The following PARP8 variants were observed in gnomAD, a reference collection of about 807,000 sequenced individuals.
The protein encoded by PARP8 is poly(ADP-ribose) polymerase family member 8.
PARP8 carries 51 observed loss-of-function variants against 124.1 expected under a neutral mutation model. The ratio of observed to expected loss-of-function variants is 0.41; its 90% CI spans 0.33 to 0.52. The LOEUF is 0.52. Ranked by LOEUF, PARP8 falls within the 20% of genes least tolerant of loss-of-function variation. The probability of loss-of-function intolerance (pLI) is 0.21; values close to 1 mark genes in which losing one functional copy is unlikely to be tolerated. For synonymous variants in PARP8, 391 were observed against 361.5 expected (o/e 1.08, Z -0.93); for missense variants, 860 against 1,018.9 (o/e 0.84, Z 2.12).
At chr5:50,720,992 T>C (rs1243351513) in intron 2 of PARP8, among the ~76,000 whole-genome samples, 1 of 151,866 alleles carries the variant, frequency 6.6e-6, no homozygotes, top group Non-Finnish European at 1.5e-5. Context: ...GGGCCATACA[T>C]GACAGGCCTG....
chr5:50,674,969 A>G (rs535063251), intron 2 of PARP8, among the ~76,000 whole-genome samples: 2 of 152,382 alleles, frequency 1.3e-5, no homozygotes, highest in South Asian at 4.1e-4. Context: ...AAATAGATTT[A>G]TGTCCATCCA....
chr5:50,796,478 G>A (rs1315817003), intron 12 of PARP8, among the ~76,000 whole-genome samples: 1 of 152,158 alleles, frequency 6.6e-6, no homozygotes, highest in African/African-American at 2.4e-5. Flanking sequence ...TGTTTCCCAT[G>A]TTAGCTTCAT....
chr5:50,806,295 T>C (rs1743834897), intron 14 of PARP8, among the ~76,000 whole-genome samples: 1 of 152,052 alleles, frequency 6.6e-6, no homozygotes, highest in Non-Finnish European at 1.5e-5. Context: ...TACTCTTGAC[T>C]TGTGGACTTG....
At chr5:50,835,309 G>T (rs113813756) in intron 25 of PARP8, among the ~76,000 whole-genome samples, 1 of 152,118 alleles carries the variant, frequency 6.6e-6, no homozygotes, top group Non-Finnish European at 1.5e-5. Flanking sequence ...TTGGGAAGCC[G>T]AGGCGGGTGG....
intron 7 of PARP8, among the ~76,000 whole-genome samples, chr5:50,776,917 T>G (rs1740095269): frequency 6.6e-6 from 1 of 152,194 alleles, no homozygotes; most frequent in Non-Finnish European, 1.5e-5. Context: ...AATTCCTGAC[T>G]TCCCCACTAA....
At chr5:50,670,599 G>T (rs1479277367) in intron 2 of PARP8, among the ~76,000 whole-genome samples, 6 of 152,244 alleles carry the variant, frequency 3.9e-5, no homozygotes, top group Admixed American at 3.9e-4. Flanking sequence ...GGTCCTCAGA[G>T]TGGCAGTTAA....
At chr5:50,785,305 A>G (rs1741124039) in intron 9 of PARP8, among the ~76,000 whole-genome samples, 1 of 152,092 alleles carries the variant, frequency 6.6e-6, no homozygotes. Flanking sequence ...TTATAGGAAT[A>G]ATTTCTATGT....
chr5:50,676,704 A>G (rs1018481623), intron 2 of PARP8, among the ~76,000 whole-genome samples: 2 of 152,200 alleles, frequency 1.3e-5, no homozygotes, highest in African/African-American at 4.8e-5. Flanking sequence ...TAAATATTTC[A>G]TTTCTTTGAT....
At chr5:50,798,105 T>G (rs1011385229) in intron 14 of PARP8, among the ~76,000 whole-genome samples, 5 of 152,218 alleles carry the variant, frequency 3.3e-5, no homozygotes, top group African/African-American at 1.2e-4. Context: ...TATTATAATG[T>G]TTTCAAGGAC....
intron 2 of PARP8, among the ~76,000 whole-genome samples, chr5:50,719,227 G>T (rs1755631913): frequency 6.6e-6 from 1 of 151,798 alleles, no homozygotes; most frequent in African/African-American, 2.4e-5. Context: ...TTGTCAGATG[G>T]GTAGTTTGCA....
intron 7 of PARP8, among the ~76,000 whole-genome samples, chr5:50,768,763 T>G (rs947454805): frequency 4.6e-5 from 7 of 152,196 alleles, no homozygotes; most frequent in Non-Finnish European, 7.4e-5. Flanking sequence ...TATTCAGATA[T>G]AGAAGCAATC....
intron 10 of PARP8, among the ~76,000 whole-genome samples, chr5:50,791,695 AT>A (rs1371729465): frequency 8.2e-6 from 1 of 121,756 alleles, no homozygotes; most frequent in African/African-American, 3.0e-5. Flanking sequence ...CGACTTTTGT[AT>A]GACTTTATGT....
intron 2 of PARP8, among the ~76,000 whole-genome samples, chr5:50,713,202 C>G (rs1754954446): frequency 1.3e-5 from 2 of 151,898 alleles, no homozygotes; most frequent in East Asian, 1.9e-4. Flanking sequence ...TACAAGAGTG[C>G]TTATTCATAT....
At chr5:50,751,865 T>C (rs1759301286) in intron 3 of PARP8, among the ~76,000 whole-genome samples, 1 of 152,158 alleles carries the variant, frequency 6.6e-6, no homozygotes, top group Non-Finnish European at 1.5e-5. Context: ...TTCCCCATTA[T>C]TAAATTTTAA....
chr5:50,760,214 T>G, intron 4 of PARP8, 78 bp from the exon 5 acceptor site: 1 of 1,252,420 alleles, frequency 8.0e-7, no homozygotes, highest in Non-Finnish European at 1.1e-6. Flanking sequence ...AAGGGTAGTT[T>G]TATACCAAAA....
chr5:50,804,137 C>A (rs1269333036), intron 14 of PARP8, among the ~76,000 whole-genome samples: 2 of 152,094 alleles, frequency 1.3e-5, no homozygotes, highest in African/African-American at 4.8e-5. Context: ...ATCCTTTCTT[C>A]TAAGCTTTTT....
Position 50,807,078 on chromosome 5 carries a change from A to G in PARP8, c.1576-8354A>G, listed in dbSNP as rs531585359. Reference sequence around the variant, plus strand: ...TCGCTTTCCAAAGTTAGACTGTCCCATGTTTTTTTTTTTCTTTAAGCCTGA... The same window carrying G: ...TCGCTTTCCAAAGTTAGACTGTCCCGTGTTTTTTTTTTTCTTTAAGCCTGA... On this transcript the variant is annotated intron_variant, in intron 14 of 25. Transcript: ENST00000281631. Among the ~76,000 whole-genome samples, 140 of 150,470 alleles carry G rather than the reference A, an allele frequency of 9.3e-4. 1 individual carries two copies. Among genetic ancestry groups the G allele is most frequent in the Non-Finnish European group, 1.7e-3 (112 of 67,614 alleles).
chr5:50,822,265 TA>T, intron 16 of PARP8, 69 bp from the exon 17 acceptor site: 1 of 1,015,098 alleles, frequency 9.9e-7, no homozygotes, highest in Non-Finnish European at 1.6e-6. Flanking sequence ...TATATTTCTC[TA>T]GTGATATACA....
Position 50,725,726 on chromosome 5 carries a change from A to C in PARP8, c.147-24425A>C, listed in dbSNP as rs1264683271. 2.6e-5 allele frequency among the ~76,000 whole-genome samples: 4 copies of C among 152,268 alleles called. No homozygotes were observed. The South Asian group carries it at 8.3e-4, about 32-fold the overall frequency. Reference sequence around the variant, plus strand: ...TATACAGTATACAACACTTGTGCTCAGGCAACTGTCTGTAGTTTAGTTAAA... The same window carrying C: ...TATACAGTATACAACACTTGTGCTCCGGCAACTGTCTGTAGTTTAGTTAAA... On this transcript the variant is annotated intron_variant, in intron 2 of 25. Transcript: ENST00000281631.
Sources: allele counts gnomAD v4.1 joint callset (sites outside exome capture counted in the v4.1 genomes callset), GRCh38; gene constraint gnomAD v4.1.1; transcripts MANE v1.5; gene names NCBI Gene and HGNC (gene_info 2026-07-23, HGNC 2026-07-21).